The following LUZP2 variants were observed in gnomAD, a reference collection of about 807,000 sequenced individuals.
LUZP2 encodes leucine zipper protein 2.
A neutral mutation model predicts 51.6 loss-of-function variants in LUZP2; 52 were observed. The observed-to-expected ratio is 1.01, with a 90% confidence interval of 0.81 to 1.27. The LOEUF is 1.27. LUZP2 is among the 50% of genes most tolerant of loss of function. The pLI is 0.00. For synonymous variants in LUZP2, 154 were observed against 137.3 expected, an observed-to-expected ratio of 1.12 and a Z score of -0.85; for missense variants, 436 against 395.4, an observed-to-expected ratio of 1.10 and a Z score of -0.87.
intron 9 of LUZP2, among the ~76,000 whole-genome samples, chr11:24,984,445 CT>C (rs1565191253): frequency 6.8e-6 from 1 of 147,006 alleles, no homozygotes; most frequent in East Asian, 2.0e-4. Context: ...ATTAATGTTT[CT>C]CTTTTAAAAA....
At chr11:24,602,267 TAC>T (rs1853743535) in intron 1 of LUZP2, among the ~76,000 whole-genome samples, 1 of 139,640 alleles carries the variant, frequency 7.2e-6, no homozygotes, top group African/African-American at 2.9e-5. Context: ...AACATATATG[TAC>T]ATACATATAT....
At chr11:24,525,062 A>T (rs1339733225) in intron 1 of LUZP2, among the ~76,000 whole-genome samples, 5 of 151,604 alleles carry the variant, frequency 3.3e-5, no homozygotes, top group African/African-American at 1.2e-4. Flanking sequence ...CAGGACTATG[A>T]TTCTCCAATT....
intron 9 of LUZP2, among the ~76,000 whole-genome samples, chr11:25,003,399 G>C (rs560288181): frequency 6.6e-6 from 1 of 152,168 alleles, no homozygotes; most frequent in East Asian, 1.9e-4. Flanking sequence ...AGGCATCCTT[G>C]AGGTCCAGAA....
At chr11:24,970,660 T>G (rs2133895052) in intron 7 of LUZP2, among the ~76,000 whole-genome samples, 1 of 152,316 alleles carries the variant, frequency 6.6e-6, no homozygotes. Flanking sequence ...ATCCTTTTTC[T>G]TTTCTGCTTC....
chr11:24,818,772 C>G (rs1203164435), intron 5 of LUZP2, among the ~76,000 whole-genome samples: 2 of 151,984 alleles, frequency 1.3e-5, no homozygotes, highest in Middle Eastern at 3.2e-3. Flanking sequence ...TTCATGACCC[C>G]TTACTTGGCT....
At chr11:24,525,191 C>T (rs774336961) in intron 1 of LUZP2, among the ~76,000 whole-genome samples, 6 of 151,604 alleles carry the variant, frequency 4.0e-5, no homozygotes, top group Non-Finnish European at 7.4e-5. Context: ...CTGAAACACT[C>T]ATTTTCCATA....
intron 1 of LUZP2, among the ~76,000 whole-genome samples, chr11:24,581,956 A>T (rs1852872046): frequency 2.6e-5 from 4 of 152,014 alleles, no homozygotes; most frequent in African/African-American, 9.7e-5. Context: ...TCCAAAGCCC[A>T]CATTGGTCCT....
At chr11:24,815,610 C>T (rs1015231993) in intron 5 of LUZP2, among the ~76,000 whole-genome samples, 6 of 152,094 alleles carry the variant, frequency 3.9e-5, no homozygotes, top group African/African-American at 1.4e-4. Flanking sequence ...AGCCTTTAGC[C>T]CCTTAAAGCA....
At chr11:24,564,384 T>G (rs962440911) in intron 1 of LUZP2, among the ~76,000 whole-genome samples, 2 of 152,152 alleles carry the variant, frequency 1.3e-5, no homozygotes, top group Non-Finnish European at 2.9e-5. Flanking sequence ...AACTGAAATT[T>G]TAATTCAGGC....
intron 5 of LUZP2, among the ~76,000 whole-genome samples, chr11:24,826,958 T>C (rs569371258): frequency 6.6e-4 from 101 of 151,932 alleles, no homozygotes; most frequent in Non-Finnish European, 1.2e-3. Context: ...TAAAAACATC[T>C]GGACATAAAA....
intron 1 of LUZP2, among the ~76,000 whole-genome samples, chr11:24,669,719 G>A (rs1377770061): frequency 6.6e-6 from 1 of 152,008 alleles, no homozygotes. Context: ...TTCACGTGCG[G>A]TATTTGAGGA....
intron 7 of LUZP2, among the ~76,000 whole-genome samples, chr11:24,926,625 G>A (rs895557640): frequency 3.5e-5 from 5 of 141,918 alleles, no homozygotes; most frequent in Non-Finnish European, 7.6e-5. Context: ...ATATATATAT[G>A]TGTGTATATA....
intron 1 of LUZP2, among the ~76,000 whole-genome samples, chr11:24,528,852 C>A (rs1850902030): frequency 6.6e-6 from 1 of 151,176 alleles, no homozygotes; most frequent in Non-Finnish European, 1.5e-5. Flanking sequence ...TAATTGCTAT[C>A]AGTATAAAAT....
intron 10 of LUZP2, among the ~76,000 whole-genome samples, chr11:25,058,600 G>T (rs1858750686): frequency 1.3e-5 from 2 of 152,042 alleles, no homozygotes; most frequent in Non-Finnish European, 2.9e-5. Context: ...TTTGTATAAG[G>T]TTCTCATTTT....
In LUZP2 at chr11:24,936,334, G is replaced by A. The variant is rs548567679; in HGVS notation, c.522+21796G>A. On this transcript the variant is annotated intron_variant, in intron 7 of 11. Transcript: ENST00000336930. ...GATTTATGGTACCTTAGCCCCTACC[G>A]TTGTCATTTGGACATAACAAATCCC... Among the ~76,000 whole-genome samples the A allele has an allele frequency of 3.9e-5, 6 of 152,130 alleles. No individual in the cohort carries two copies. The East Asian group carries it at 5.8e-4, about 15-fold the overall frequency.
intron 5 of LUZP2, among the ~76,000 whole-genome samples, chr11:24,828,722 G>T (rs71478107): frequency 9.2e-5 from 14 of 152,288 alleles, no homozygotes; most frequent in African/African-American, 3.4e-4. Context: ...CTGTAAGCTG[G>T]AGGTGGAGGA....
At chr11:24,786,534 A>C in intron 5 of LUZP2, 1 of 619,076 alleles carries the variant, frequency 1.6e-6, no homozygotes, top group Non-Finnish European at 2.0e-6. Flanking sequence ...TATATACACA[A>C]ATATATAATA....
chr11:25,024,630 G>T (rs2133979794), intron 9 of LUZP2, among the ~76,000 whole-genome samples: 1 of 152,118 alleles, frequency 6.6e-6, no homozygotes, highest in East Asian at 1.9e-4. Flanking sequence ...ACAAACCACT[G>T]CTCAACGAAA....
At chr11:24,538,559 G>T (rs1033437395) in intron 1 of LUZP2, among the ~76,000 whole-genome samples, 1 of 151,374 alleles carries the variant, frequency 6.6e-6, no homozygotes, top group Admixed American at 6.6e-5. Flanking sequence ...TAATAAAGTT[G>T]TTAGGTAGGC....
Sources: allele counts gnomAD v4.1 joint callset (sites outside exome capture counted in the v4.1 genomes callset), GRCh38; gene constraint gnomAD v4.1.1; transcripts MANE v1.5; gene names NCBI Gene and HGNC (gene_info 2026-07-23, HGNC 2026-07-21).